DNAH14: variants seen among roughly 807,000 people sequenced by gnomAD.
The protein encoded by DNAH14 is axonemal beta dynein heavy chain 14.
A neutral mutation model predicts 520.9 loss-of-function variants in DNAH14; 478 were observed. That is an observed-to-expected ratio of 0.92 (90% CI 0.85 to 0.99). The LOEUF (loss-of-function observed/expected upper bound fraction) is 0.99. Among genes scored for constraint, DNAH14 ranks in the 50% least tolerant of loss-of-function variants. DNAH14 has a pLI of 0.00. For synonymous variants in DNAH14, 1,581 were observed against 1,757.2 expected (o/e 0.90, Z 2.51); for missense variants, 4,831 against 5,234.5 (o/e 0.92, Z 2.38).
chr1:225,018,538 A>G (rs2065396951), intron 10 of DNAH14, among the ~76,000 whole-genome samples: 1 of 152,192 alleles, frequency 6.6e-6, no homozygotes, highest in Non-Finnish European at 1.5e-5. Context: ...CAAGAAATTC[A>G]GAGAACTCCT....
intron 23 of DNAH14, among the ~76,000 whole-genome samples, chr1:225,102,803 T>A (rs765281082): frequency 5.8e-4 from 88 of 152,240 alleles, no homozygotes; most frequent in Non-Finnish European, 1.0e-3. Flanking sequence ...CTTTGTTAGA[T>A]GAGTAGATTG....
intron 21 of DNAH14, among the ~76,000 whole-genome samples, chr1:225,093,087 C>T (rs1573008448): frequency 6.6e-6 from 1 of 152,220 alleles, no homozygotes; most frequent in East Asian, 1.9e-4. Context: ...GAGCTGGTAC[C>T]ATTCCTACTG....
In DNAH14 at chr1:225,084,693, A is replaced by C. The variant is rs560937326; in HGVS notation, c.3328-851A>C. 3.9e-5 allele frequency among the ~76,000 whole-genome samples: 6 copies of C among 152,010 alleles called. No homozygotes were observed. The South Asian group carries it at 1.0e-3, about 26-fold the overall frequency. ...TAAAGTTAGATAATTAACTACAATCATCAAGATTCAGCTGAAACCACCCAG... is the reference window on the plus strand; with the variant it reads ...TAAAGTTAGATAATTAACTACAATCCTCAAGATTCAGCTGAAACCACCCAG... On this transcript the variant is annotated intron_variant, in intron 20 of 85. Transcript: ENST00000682510.
chr1:225,268,916 T>C (rs969004981), intron 49 of DNAH14, among the ~76,000 whole-genome samples: 1 of 152,204 alleles, frequency 6.6e-6, no homozygotes, highest in South Asian at 2.1e-4. Flanking sequence ...AGGTAACTTA[T>C]AGATTCAATG....
chr1:225,153,360 C>G (rs2080699075), intron 33 of DNAH14, among the ~76,000 whole-genome samples: 1 of 152,086 alleles, frequency 6.6e-6, no homozygotes, highest in Non-Finnish European at 1.5e-5. Context: ...GATCTGGGTT[C>G]TACACTTTAA....
chr1:225,206,244 T>G, intron 40 of DNAH14, 65 bp downstream of exon 40: 1 of 1,323,346 alleles, frequency 7.6e-7, no homozygotes, highest in South Asian at 1.5e-5. Context: ...AACTATTTAT[T>G]ATTTACAGCA....
At chr1:225,350,388 G>A (rs1166357846) in intron 71 of DNAH14, among the ~76,000 whole-genome samples, 1 of 151,730 alleles carries the variant, frequency 6.6e-6, no homozygotes, top group Non-Finnish European at 1.5e-5. Context: ...CCCAAAGCTA[G>A]CAAAAGGATT....
At chr1:225,235,534 C>A (rs2091512746) in intron 42 of DNAH14, among the ~76,000 whole-genome samples, 1 of 152,070 alleles carries the variant, frequency 6.6e-6, no homozygotes, top group African/African-American at 2.4e-5. Flanking sequence ...GTTTTGGTAT[C>A]AGAATAATGA....
At chr1:225,351,549 C>A in intron 71 of DNAH14, 98 bp from the exon 72 acceptor site, 1 of 682,902 alleles carries the variant, frequency 1.5e-6, no homozygotes, top group Non-Finnish European at 2.3e-6. Context: ...ATGAAATAGC[C>A]TTAACAGTAC....
chr1:225,087,650 G>T (rs2073961161), intron 21 of DNAH14, among the ~76,000 whole-genome samples: 1 of 152,206 alleles, frequency 6.6e-6, no homozygotes, highest in Non-Finnish European at 1.5e-5. Context: ...GAGGAGTACA[G>T]GCAGAGCCTG....
intron 27 of DNAH14, among the ~76,000 whole-genome samples, chr1:225,128,036 C>T (rs918715384): frequency 2.0e-5 from 3 of 152,010 alleles, no homozygotes; most frequent in African/African-American, 7.2e-5. Context: ...GAATATTGGC[C>T]CCCACTCTCT....
chr1:225,375,018 A>C, intron 78 of DNAH14, 133 bp downstream of exon 78: 1 of 801,922 alleles, frequency 1.2e-6, no homozygotes, highest in Non-Finnish European at 1.9e-6. Flanking sequence ...AGTAGTATGG[A>C]AGTAATTTAC....
intron 43 of DNAH14, among the ~76,000 whole-genome samples, chr1:225,245,022 C>G (rs965653032): frequency 5.9e-5 from 9 of 152,212 alleles, no homozygotes; most frequent in African/African-American, 2.2e-4. Flanking sequence ...TGCTTTAGCT[C>G]TGTCCCAGAG....
chr1:225,387,813 G>T (rs1293969061), intron 81 of DNAH14, among the ~76,000 whole-genome samples: 1 of 152,148 alleles, frequency 6.6e-6, no homozygotes, highest in African/African-American at 2.4e-5. Context: ...CTAGAGGGCT[G>T]CAAGGGTCTC....
At chr1:225,050,111 C>T in intron 15 of DNAH14, 99 bp from the exon 16 acceptor site, 1 of 992,492 alleles carries the variant, frequency 1.0e-6, no homozygotes, top group South Asian at 2.2e-5. Flanking sequence ...CATAATAAAT[C>T]AGCCCCCATT....
At chr1:225,243,004 T>C (rs1314216376) in intron 43 of DNAH14, among the ~76,000 whole-genome samples, 1 of 152,224 alleles carries the variant, frequency 6.6e-6, no homozygotes, top group Non-Finnish European at 1.5e-5. Context: ...ATTTAAGACA[T>C]CTGGATGGCA....
At chr1:225,150,407 A>G (rs578112572) in intron 31 of DNAH14, among the ~76,000 whole-genome samples, 11 of 152,254 alleles carry the variant, frequency 7.2e-5, no homozygotes, top group Admixed American at 5.2e-4. Context: ...TGCTGTTCCC[A>G]TAGAGTGGGT....
chr1:225,090,098 A>C (rs1181928097), intron 21 of DNAH14, among the ~76,000 whole-genome samples: 1 of 152,216 alleles, frequency 6.6e-6, no homozygotes, highest in Non-Finnish European at 1.5e-5. Context: ...TTATTTTAGC[A>C]AGTTTGCAGG....
chr1:225,248,235 C>T (rs1408597501), intron 43 of DNAH14, among the ~76,000 whole-genome samples: 1 of 152,082 alleles, frequency 6.6e-6, no homozygotes, highest in Non-Finnish European at 1.5e-5. Context: ...AAAGGATGTA[C>T]TTCAGCAAGA....
Sources: gnomAD v4.1 joint callset for allele counts (sites outside exome capture counted in the v4.1 genomes callset) on GRCh38, gnomAD v4.1.1 for gene constraint, MANE v1.5 for transcripts, NCBI Gene and HGNC (gene_info 2026-07-23, HGNC 2026-07-21) for gene names.